ARHGEF3: variants seen among roughly 807,000 people sequenced by gnomAD.
The protein encoded by ARHGEF3 is 59.8 kDA protein.
A neutral mutation model predicts 63.2 loss-of-function variants in ARHGEF3; 28 were observed. That is an observed-to-expected ratio of 0.44 (90% CI 0.33 to 0.61). ARHGEF3 has a LOEUF of 0.61. Ranked by LOEUF, ARHGEF3 falls within the 20% of genes least tolerant of loss-of-function variation. The probability of loss-of-function intolerance (pLI) is 0.03; values close to 1 mark genes in which losing one functional copy is unlikely to be tolerated. For missense variants in ARHGEF3, 533 were observed against 659.3 expected, an observed-to-expected ratio of 0.81 and a Z score of 2.10; for synonymous variants, 266 against 254.2, an observed-to-expected ratio of 1.05 and a Z score of -0.44.
At chr3:56,807,749 A>G (rs1042945379) in intron 4 of ARHGEF3, among the ~76,000 whole-genome samples, 1 of 152,174 alleles carries the variant, frequency 6.6e-6, no homozygotes, top group Admixed American at 6.5e-5. Flanking sequence ...TGAAGCAACC[A>G]TCATCTCTAA....
intron 4 of ARHGEF3, among the ~76,000 whole-genome samples, chr3:56,850,043 C>T (rs1225010476): frequency 6.6e-6 from 1 of 152,096 alleles, no homozygotes; most frequent in Non-Finnish European, 1.5e-5. Context: ...CCCGCACCCA[C>T]CACCCCCTCA....
In ARHGEF3 at chr3:56,732,403, G is replaced by A. The variant is rs1429094910; in HGVS notation, c.1063C>T (p.Gln355Ter). The A allele has an allele frequency of 6.2e-7, 1 of 1,614,138 alleles. No individual in the cohort carries two copies. Among genetic ancestry groups the A allele is most frequent in the Non-Finnish European group, 8.5e-7 (1 of 1,180,028 alleles). ...GCTCGAGTGATCACAAGCACTTCTT[G>A]GAACAGGAAAACATGCAGTTTCTAG... ...RGVKLHVFLF[Q>*]EVLVITRAVT... Residue 355 changes from glutamine (Q) to a stop codon, truncating the protein, a stop_gained, in exon 9 of 10, where the codon CAA becomes TAA. Coordinates refer to ENST00000296315, the MANE Select transcript of ARHGEF3 (RefSeq NM_019555.3). LOFTEE classifies it high-confidence loss of function.
intron 1 of ARHGEF3, among the ~76,000 whole-genome samples, chr3:57,055,214 A>T (rs1303880832): frequency 1.1e-4 from 16 of 141,722 alleles, no homozygotes; most frequent in South Asian, 2.2e-4. Context: ...CAGACTGGAG[A>T]GCAGTGGCGT....
chr3:56,820,772 AATTTGAATATGAGG>A (rs1299093464), intron 4 of ARHGEF3, among the ~76,000 whole-genome samples: 1 of 152,228 alleles, frequency 6.6e-6, no homozygotes, highest in Non-Finnish European at 1.5e-5. Flanking sequence ...TCTGAAGTAA[AATTTGAATATGAGG>A]ACATGCAACT....
rs3732511 is a variant in ARHGEF3 at position 56,732,407 on chromosome 3, C to G, written c.1059G>C (p.Leu353=). The G allele has an allele frequency of 0.14, 222,378 of 1,613,866 alleles. 20,387 individuals carry two copies. The highest frequency in any genetic ancestry group is 0.37 in the South Asian group (34,031 of 91,076). The change falls in exon 9 of 10, where the codon CTG becomes CTC. Residue 353 remains leucine, a synonymous_variant. Transcript: ENST00000296315. ...NNRGVKLHVF[L]FQEVLVITRA... ...GAGTGATCACAAGCACTTCTTGGAA[C>G]AGGAAAACATGCAGTTTCTAGAAGA...
At chr3:56,851,891 G>A (rs761153585) in intron 4 of ARHGEF3, among the ~76,000 whole-genome samples, 1 of 152,198 alleles carries the variant, frequency 6.6e-6, no homozygotes, top group Non-Finnish European at 1.5e-5. Flanking sequence ...TTACAGGTAC[G>A]AGTTACCATG....
chr3:56,961,370 C>A (rs1225255363), intron 2 of ARHGEF3, among the ~76,000 whole-genome samples: 1 of 152,128 alleles, frequency 6.6e-6, no homozygotes, highest in African/African-American at 2.4e-5. Context: ...AGAAGTCACA[C>A]AGCTATTTGG....
At chr3:56,818,848 G>T (rs1404973304) in intron 4 of ARHGEF3, among the ~76,000 whole-genome samples, 2 of 152,128 alleles carry the variant, frequency 1.3e-5, no homozygotes, top group Non-Finnish European at 2.9e-5. Flanking sequence ...TGGGTTTCCA[G>T]CTTTGTTTTT....
chr3:57,040,190 C>A (rs9682671), intron 1 of ARHGEF3, among the ~76,000 whole-genome samples: 38,898 of 152,062 alleles, frequency 0.26, 5,263 homozygotes, highest in Middle Eastern at 0.34. Flanking sequence ...GAAAGTACCA[C>A]AACAGGGCCA....
At chr3:57,068,695 C>T (rs1200813890) in intron 1 of ARHGEF3, among the ~76,000 whole-genome samples, 1 of 152,188 alleles carries the variant, frequency 6.6e-6, no homozygotes, top group South Asian at 2.1e-4. Flanking sequence ...ACAAGGTCAG[C>T]CAAGCTGTAC....
intron 3 of ARHGEF3, among the ~76,000 whole-genome samples, chr3:56,883,333 T>G (rs1025289815): frequency 6.6e-6 from 1 of 151,308 alleles, no homozygotes; most frequent in Non-Finnish European, 1.5e-5. Context: ...AGGGTCTCCC[T>G]CTGTTGCCTA....
intron 1 of ARHGEF3, chr3:57,074,333 G>A (rs904339813): frequency 4.9e-6 from 7 of 1,431,122 alleles, no homozygotes; most frequent in Non-Finnish European, 6.8e-6. Flanking sequence ...CACATGCTAT[G>A]CCCTCCCTTC....
At position 56,732,326 on chromosome 3, in the gene ARHGEF3, G is replaced by T; in HGVS notation, c.1140C>A (p.Pro380=). 1.2e-6 allele frequency: 2 copies of T among 1,614,172 alleles called. No individual in the cohort carries two copies. Among genetic ancestry groups the T allele is most frequent in the Admixed American group, 1.7e-5 (1 of 60,012 alleles). ...GGTCTTCCAGCAGGAGGTCTTTCAC[G>T]GGGATTGGCTGACGGTACAGCTGGT... The part of the protein sequence containing the change: ...LCYQLYRQPI[P]VKDLLLEDLQ... Residue 380 remains proline (P), a synonymous_variant, in exon 9 of 10, where the codon CCC becomes CCA. Coordinates refer to ENST00000296315, the MANE Select transcript of ARHGEF3 (RefSeq NM_019555.3).
chr3:56,954,687 T>C (rs1699962970), intron 3 of ARHGEF3, among the ~76,000 whole-genome samples: 1 of 152,158 alleles, frequency 6.6e-6, no homozygotes, highest in Non-Finnish European at 1.5e-5. Flanking sequence ...TCTGTCTCCT[T>C]AGACAAGCAT....
intron 3 of ARHGEF3, among the ~76,000 whole-genome samples, chr3:56,909,663 A>C (rs1329820447): frequency 1.3e-5 from 2 of 152,226 alleles, no homozygotes; most frequent in Non-Finnish European, 2.9e-5. Context: ...TCACATATTC[A>C]TTTAGGACCT....
At chr3:56,904,310 C>T (rs60921597) in intron 3 of ARHGEF3, among the ~76,000 whole-genome samples, 1 of 152,088 alleles carries the variant, frequency 6.6e-6, no homozygotes, top group Non-Finnish European at 1.5e-5. Context: ...GGATTACAGG[C>T]ATAAGCCACT....
intron 3 of ARHGEF3, among the ~76,000 whole-genome samples, chr3:56,905,060 C>T (rs555010112): frequency 6.6e-6 from 1 of 152,334 alleles, no homozygotes; most frequent in African/African-American, 2.4e-5. Flanking sequence ...CTCAGCCTTC[C>T]TCCTGCCTGA....
intron 1 of ARHGEF3, among the ~76,000 whole-genome samples, chr3:56,785,472 T>C (rs35039900): frequency 6.6e-6 from 1 of 152,132 alleles, no homozygotes; most frequent in Non-Finnish European, 1.5e-5. Context: ...CAGATCCCAA[T>C]ACTGTCTGGA....
At position 56,827,231 on chromosome 3, in the gene ARHGEF3, A is replaced by T. The variant is rs1421975963; in HGVS notation, c.193-53415T>A. On this transcript the variant is annotated intron_variant, in intron 4 of 12. Transcript: ENST00000338458. ...TATAGTTACAACTCGTATCCATTTCAGCACCAATCTCTGTAATATATAAAG... is the reference window on the plus strand; with the variant it reads ...TATAGTTACAACTCGTATCCATTTCTGCACCAATCTCTGTAATATATAAAG... Among the ~76,000 whole-genome samples, 3 of 152,280 alleles carry T rather than the reference A, an allele frequency of 2.0e-5. 1 individual carries two copies. Among genetic ancestry groups the T allele is most frequent in the Non-Finnish European group, 4.4e-5 (3 of 68,048 alleles).
Sources: gnomAD v4.1 joint callset for allele counts (sites outside exome capture counted in the v4.1 genomes callset) on GRCh38, gnomAD v4.1.1 for gene constraint, MANE v1.5 for transcripts, NCBI Gene and HGNC (gene_info 2026-07-23, HGNC 2026-07-21) for gene names.